Variants in DNAL1 observed in about 807,000 individuals in gnomAD.
DNAL1 encodes chromosome 14 open reading frame 168.
DNAL1 carries 17 observed loss-of-function variants against 29.4 expected under a neutral mutation model. The observed-to-expected ratio is 0.58, with a 90% CI of 0.40 to 0.87. DNAL1 has a LOEUF of 0.87. Ranked by LOEUF, DNAL1 falls within the 40% of genes least tolerant of loss-of-function variation. The pLI is 0.00. For synonymous variants in DNAL1, 78 were observed against 76.3 expected (o/e 1.02, Z -0.12); for missense variants, 188 against 214.1 (o/e 0.88, Z 0.76).
rs1892430200 is a variant in DNAL1 at position 73,701,286 on chromosome 14, G to T, written c.*5344G>T. 6.6e-6 allele frequency: 1 copy of T among 152,222 alleles called. No individual in the cohort carries two copies. Among genetic ancestry groups the T allele is most frequent in the Non-Finnish European group, 1.5e-5 (1 of 68,050 alleles). 9.4% of individuals were successfully genotyped at this position (152,222 alleles called of 1,614,324 possible). A position where few individuals can be genotyped will look rare whatever the true frequency, so the allele number is the denominator to read the frequency against. ...TTAGGAACTGGATGTTGGTGGAAAG[G>T]ACTTCCATAGGGCAGATGGGTAAAT... On this transcript the variant is annotated 3_prime_UTR_variant, in exon 8 of 8. Coordinates refer to ENST00000553645, the MANE Select transcript of DNAL1 (RefSeq NM_031427.4).
At chr14:73,694,936 G>A (rs1010736627) in intron 7 of DNAL1, among the ~76,000 whole-genome samples, 3 of 151,598 alleles carry the variant, frequency 2.0e-5, no homozygotes, top group Non-Finnish European at 4.4e-5. Flanking sequence ...TGATCCACCC[G>A]CCTCGGCCTC....
chr14:73,654,075 A>G (rs1422502836), intron 1 of DNAL1, among the ~76,000 whole-genome samples: 1 of 152,206 alleles, frequency 6.6e-6, no homozygotes, highest in Non-Finnish European at 1.5e-5. Context: ...GGAATATATG[A>G]TATGAAATAA....
chr14:73,648,288 C>G (rs1235313945), intron 1 of DNAL1, among the ~76,000 whole-genome samples: 1 of 148,764 alleles, frequency 6.7e-6, no homozygotes, highest in Non-Finnish European at 1.5e-5. Context: ...AAGAGTTCCC[C>G]TTTCTTTATG....
chr14:73,682,156 C>T (rs1191619153), intron 5 of DNAL1, among the ~76,000 whole-genome samples: 1 of 149,000 alleles, frequency 6.7e-6, no homozygotes, highest in Non-Finnish European at 1.5e-5. Flanking sequence ...AGAAATTAAC[C>T]TTAGCTTACT....
intron 5 of DNAL1, among the ~76,000 whole-genome samples, chr14:73,680,614 A>G (rs990018302): frequency 1.3e-5 from 2 of 152,296 alleles, no homozygotes; most frequent in South Asian, 2.1e-4. Context: ...GGTGATTAGC[A>G]TATCAATCAC....
chr14:73,668,929 G>A (rs1000705797), intron 4 of DNAL1, among the ~76,000 whole-genome samples: 4 of 151,802 alleles, frequency 2.6e-5, no homozygotes, highest in Non-Finnish European at 5.9e-5. Context: ...CACCCGCCTC[G>A]GCCTCCCAAA....
intron 7 of DNAL1, among the ~76,000 whole-genome samples, chr14:73,694,557 T>C (rs1892256538): frequency 6.7e-6 from 1 of 148,758 alleles, no homozygotes; most frequent in African/African-American, 2.4e-5. Flanking sequence ...TTTTTTTCAG[T>C]GTATCCCCAA....
At chr14:73,682,057 A>G (rs946622020) in intron 5 of DNAL1, among the ~76,000 whole-genome samples, 2 of 149,580 alleles carry the variant, frequency 1.3e-5, no homozygotes, top group African/African-American at 4.9e-5. Flanking sequence ...GGTTGCAGTG[A>G]GCCGAGATCG....
intron 5 of DNAL1, among the ~76,000 whole-genome samples, chr14:73,675,272 G>A (rs1285682731): frequency 2.6e-5 from 4 of 151,410 alleles, no homozygotes; most frequent in African/African-American, 9.7e-5. Context: ...TGTTTGCTTA[G>A]AGACAGGTTC....
intron 1 of DNAL1, chr14:73,653,302 G>T (rs566919120): frequency 6.6e-6 from 1 of 152,132 alleles, no homozygotes; most frequent in Non-Finnish European, 1.5e-5. Context: ...CAGAGTATGC[G>T]TGTGACCTTT....
intron 5 of DNAL1, among the ~76,000 whole-genome samples, chr14:73,675,477 A>AT (rs1891709742): frequency 2.2e-4 from 33 of 150,852 alleles, no homozygotes; most frequent in South Asian, 1.5e-3. Flanking sequence ...TTAAAAAAAA[A>AT]ATTTTTTTTT....
chr14:73,669,721 T>C (rs1891573589), intron 4 of DNAL1, among the ~76,000 whole-genome samples: 1 of 152,202 alleles, frequency 6.6e-6, no homozygotes, highest in Non-Finnish European at 1.5e-5. Context: ...TAAGCTACAA[T>C]GCCTGGCCCA....
chr14:73,689,060 G>A (rs961888806), intron 6 of DNAL1, among the ~76,000 whole-genome samples: 2 of 115,474 alleles, frequency 1.7e-5, no homozygotes, highest in Non-Finnish European at 3.3e-5. Context: ...TTGAGACAGA[G>A]TCGTGCTCTG....
At chr14:73,645,722 C>T (rs1890962440) in intron 1 of DNAL1, among the ~76,000 whole-genome samples, 1 of 152,088 alleles carries the variant, frequency 6.6e-6, no homozygotes. Context: ...AATGCTGTTG[C>T]CTTAGGTTTG....
intron 4 of DNAL1, among the ~76,000 whole-genome samples, chr14:73,670,729 A>C (rs1036301520): frequency 1.3e-5 from 2 of 150,962 alleles, no homozygotes; most frequent in Non-Finnish European, 3.0e-5. Context: ...TTTATTTTTT[A>C]TTTATTTTTA....
chr14:73,677,770 G>A lies in DNAL1; in HGVS notation c.264+6173G>A, dbSNP rs907141070. 4.6e-5 allele frequency among the ~76,000 whole-genome samples: 7 copies of A among 150,794 alleles called. No individual in the cohort carries two copies. The South Asian group carries it at 8.4e-4, about 18-fold the overall frequency. On this transcript the variant is annotated intron_variant, in intron 5 of 7. Coordinates refer to ENST00000553645, the MANE Select transcript of DNAL1 (RefSeq NM_031427.4). ...GACGGGGTTTCACCGTGTTAGCCAG[G>A]ATGGTCTCGATCTCCTGACCTCGTG...
chr14:73,676,698 C>G (rs1337553625), intron 5 of DNAL1, among the ~76,000 whole-genome samples: 1 of 149,880 alleles, frequency 6.7e-6, no homozygotes, highest in East Asian at 2.1e-4. Context: ...TGGGTTTTCT[C>G]TCTCTCTCTC....
intron 5 of DNAL1, among the ~76,000 whole-genome samples, chr14:73,671,837 A>G (rs1196707106): frequency 6.6e-6 from 1 of 152,140 alleles, no homozygotes; most frequent in East Asian, 1.9e-4. Context: ...TTTTTTTGAC[A>G]TGTCTTATTT....
intron 2 of DNAL1, 33 bp from the exon 3 acceptor site, chr14:73,658,814 G>A: frequency 6.5e-7 from 1 of 1,527,990 alleles, no homozygotes; most frequent in Non-Finnish European, 9.0e-7. Context: ...TTGCAATCAT[G>A]GGTTATTTCT....
Sources: gnomAD v4.1 joint callset for allele counts (sites outside exome capture counted in the v4.1 genomes callset) on GRCh38, gnomAD v4.1.1 for gene constraint, MANE v1.5 for transcripts, NCBI Gene and HGNC (gene_info 2026-07-23, HGNC 2026-07-21) for gene names.